RBM18: variants seen among roughly 807,000 people sequenced by gnomAD.
RBM18 encodes probable RNA-binding protein 18.
Under a neutral mutation model 26.4 loss-of-function variants are expected in RBM18, and 18 were observed. The observed-to-expected ratio is 0.68, with a 90% CI of 0.47 to 1.01. The LOEUF (loss-of-function observed/expected upper bound fraction) is 1.01. Among genes scored for constraint, RBM18 ranks in the 50% least tolerant of loss-of-function variants. The pLI, the probability that RBM18 is intolerant of heterozygous loss-of-function variation, is 0.00. For missense variants in RBM18, 180 were observed against 219.2 expected, an observed-to-expected ratio of 0.82 and a Z score of 1.13; for synonymous variants, 74 against 81.1, an observed-to-expected ratio of 0.91 and a Z score of 0.47.
rs1002689255 is a variant in RBM18 at position 122,237,828 on chromosome 9, C to T, written c.*4056G>A. On this transcript the variant is annotated 3_prime_UTR_variant, in exon 6 of 6. Coordinates refer to ENST00000417201, the MANE Select transcript of RBM18 (RefSeq NM_033117.4). ...CAACTCTTCTATTATATGGGGAAAA[C>T]AGCCACATGTAAATGCCTGGGCATG... 6.6e-6 allele frequency: 1 copy of T among 152,184 alleles called. No individual in the cohort carries two copies. Among genetic ancestry groups the T allele is most frequent in the Non-Finnish European group, 1.5e-5 (1 of 68,036 alleles). 9.4% of individuals were successfully genotyped at this position (152,184 alleles called of 1,614,324 possible).
chr9:122,253,763 C>T (rs6478560), intron 2 of RBM18, among the ~76,000 whole-genome samples: 140,018 of 151,220 alleles, frequency 0.93, 65,145 homozygotes, highest in East Asian at 1. Flanking sequence ...CAGTGGCTCA[C>T]GCCTGTAATC....
chr9:122,242,168 T>G (rs1003305006), intron 5 of RBM18, 125 bp from the exon 6 acceptor site: 4 of 887,626 alleles, frequency 4.5e-6, no homozygotes, highest in African/African-American at 3.4e-5. Context: ...TACAGACATT[T>G]AAACATTTTA....
At chr9:122,255,507 C>A (rs1469602034) in intron 2 of RBM18, among the ~76,000 whole-genome samples, 1 of 152,172 alleles carries the variant, frequency 6.6e-6, no homozygotes, top group African/African-American at 2.4e-5. Flanking sequence ...ACACCCCAAA[C>A]TGAATCCCTC....
chr9:122,256,443 C>T (rs574506616), intron 2 of RBM18, among the ~76,000 whole-genome samples: 2 of 152,136 alleles, frequency 1.3e-5, no homozygotes, highest in Non-Finnish European at 2.9e-5. Context: ...ACATCTAATA[C>T]TTGTAAAAGA....
At chr9:122,246,368 T>C (rs1347751090) in intron 4 of RBM18, among the ~76,000 whole-genome samples, 1 of 152,174 alleles carries the variant, frequency 6.6e-6, no homozygotes, top group Non-Finnish European at 1.5e-5. Context: ...CAAGAGCCTC[T>C]GGTCAAAAAA....
chr9:122,238,508 AAG>A lies in RBM18; in HGVS notation c.*3374_*3375del, dbSNP rs1283302571. ...AGCGGGCTCTGCGGCTATCTGGAGA[AAG>A]AGCGTTCTAAGCTAAGGCAACAGCC... is the stretch of plus-strand genomic sequence containing the variant. On this transcript the variant is annotated 3_prime_UTR_variant, in exon 6 of 6. Coordinates refer to ENST00000417201, the MANE Select transcript of RBM18 (RefSeq NM_033117.4). 6.6e-6 allele frequency: 1 copy of A among 152,194 alleles called. No individual in the cohort carries two copies. The highest frequency in any genetic ancestry group is 2.4e-5 in the African/African-American group (1 of 41,458). The allele number at this position is 152,194 out of a possible 1,614,324, so 9.4% of individuals were successfully genotyped here.
chr9:122,239,661 A>C lies in RBM18; in HGVS notation c.*2223T>G, dbSNP rs185715295. The stretch of plus-strand genomic sequence containing the variant: ...AAAAACCTTTCATCAGACTGCTTTC[A>C]GCATATTTAGGATACATACATTTCT... On this transcript the variant is annotated 3_prime_UTR_variant, in exon 6 of 6. Coordinates refer to ENST00000417201, the MANE Select transcript of RBM18 (RefSeq NM_033117.4). 3 of 152,208 alleles carry C rather than the reference A, an allele frequency of 2.0e-5. No homozygotes were observed. The highest frequency in any genetic ancestry group is 6.5e-5 in the Admixed American group (1 of 15,310). 9.4% of individuals were successfully genotyped at this position (152,208 alleles called of 1,614,324 possible).
rs1002045312 is a variant in RBM18 at position 122,239,493 on chromosome 9, A to G, written c.*2391T>C. The G allele has an allele frequency of 6.6e-6, 1 of 152,196 alleles. No individual in the cohort carries two copies. Among genetic ancestry groups the G allele is most frequent in the African/African-American group, 2.4e-5 (1 of 41,430 alleles). The allele number at this position is 152,196 out of a possible 1,614,324, so 9.4% of individuals were successfully genotyped here. ...TACGTCTCTCCTCAGTATTTCCTTCAATTCTTCACTCTTGTATATAAATCA... is the reference window on the plus strand; with the variant it reads ...TACGTCTCTCCTCAGTATTTCCTTCGATTCTTCACTCTTGTATATAAATCA... On this transcript the variant is annotated 3_prime_UTR_variant, in exon 6 of 6. Coordinates refer to ENST00000417201, the MANE Select transcript of RBM18 (RefSeq NM_033117.4).
chr9:122,248,368 G>C (rs1831540363), intron 3 of RBM18, among the ~76,000 whole-genome samples: 1 of 152,068 alleles, frequency 6.6e-6, no homozygotes, highest in African/African-American at 2.4e-5. Context: ...CGTTAGGTAG[G>C]GTAGCACCTC....
chr9:122,247,849 A>G (rs1420812848), intron 3 of RBM18, among the ~76,000 whole-genome samples: 1 of 149,490 alleles, frequency 6.7e-6, no homozygotes, highest in Non-Finnish European at 1.5e-5. Flanking sequence ...CAGTGGTGCA[A>G]TACCGGCTCA....
At chr9:122,247,785 G>GTTTT (rs34974193) in intron 3 of RBM18, among the ~76,000 whole-genome samples, 181 bp from the exon 4 acceptor site, 31 of 132,780 alleles carry the variant, frequency 2.3e-4, no homozygotes, top group Non-Finnish European at 2.8e-4. Context: ...TTTTTTTGTT[G>GTTTT]TTTTTTTTTT....
At chr9:122,247,932 G>C (rs1002042034) in intron 3 of RBM18, among the ~76,000 whole-genome samples, 1 of 151,994 alleles carries the variant, frequency 6.6e-6, no homozygotes, top group Non-Finnish European at 1.5e-5. Flanking sequence ...CTACAGGCAT[G>C]AACCACCACG....
rs1466627933 is a variant in RBM18 at position 122,240,531 on chromosome 9, C to T, written c.*1353G>A. On this transcript the variant is annotated 3_prime_UTR_variant, in exon 6 of 6. Coordinates refer to ENST00000417201, the MANE Select transcript of RBM18 (RefSeq NM_033117.4). ...ATTGAAAGCTTCCTCTTGCTAACAA[C>T]GATAGTGATAAACATTCTGTCATCA... The T allele has an allele frequency of 1.3e-5, 2 of 152,132 alleles. No homozygotes were observed. Among genetic ancestry groups the T allele is most frequent in the African/African-American group, 2.4e-5 (1 of 41,418 alleles). 9.4% of individuals were successfully genotyped at this position (152,132 alleles called of 1,614,324 possible). A position where few individuals can be genotyped will look rare whatever the true frequency, so the allele number is the denominator to read the frequency against.
intron 2 of RBM18, chr9:122,254,305 G>T: frequency 3.1e-6 from 3 of 962,702 alleles, no homozygotes; most frequent in Non-Finnish European, 3.7e-6. Flanking sequence ...GCTTAGGTTT[G>T]TGTCTTTCAA....
chr9:122,259,848 C>G (rs976897219), intron 2 of RBM18, among the ~76,000 whole-genome samples: 2 of 152,046 alleles, frequency 1.3e-5, no homozygotes, highest in Non-Finnish European at 2.9e-5. Context: ...CATGCACCAC[C>G]ATGCCTGGCT....
intron 2 of RBM18, among the ~76,000 whole-genome samples, chr9:122,259,569 T>C (rs1385477776): frequency 6.6e-6 from 1 of 152,224 alleles, no homozygotes; most frequent in African/African-American, 2.4e-5. Context: ...TATATTTACA[T>C]TTGGCTGATA....
chr9:122,264,127 G>C (rs1377932896), intron 1 of RBM18, among the ~76,000 whole-genome samples: 3 of 152,198 alleles, frequency 2.0e-5, no homozygotes, highest in Non-Finnish European at 4.4e-5. Context: ...TACACTGCCT[G>C]TCTCACGGTT....
In RBM18 at chr9:122,252,919, G is replaced by C. The variant is rs558979490; in HGVS notation, c.114-946C>G. ...AGATGTGGCCTTAACAGGTTGCTGC[G>C]GCCAATCTCAATTCCGACTTCCTGT... On this transcript the variant is annotated intron_variant, in intron 2 of 5. Transcript: ENST00000417201. Among the ~76,000 whole-genome samples the C allele has an allele frequency of 5.3e-5, 8 of 152,226 alleles. No individual in the cohort carries two copies. In the South Asian group the frequency reaches 1.5e-3, roughly 28 times the overall value.
Position 122,245,307 on chromosome 9 carries a change from G to C in RBM18, c.362C>G (p.Pro121Arg). Reference protein sequence around the residue: ...YDHNKNDKILPISLEPSSSTE... With the variant: ...YDHNKNDKILRISLEPSSSTE... ...GCTTGAGGATGGCTCGAGACTGATT[G>C]GAAGAATCTTATCATTCTTGTTATG... The change falls in exon 5 of 6, where the codon CCA becomes CGA. Residue 121 changes from proline to arginine, a missense_variant. This residue lies in a region of RBM18 where 103 missense variants were observed against 102.8 expected (regional missense o/e 1.00). Coordinates refer to ENST00000417201, the MANE Select transcript of RBM18 (RefSeq NM_033117.4). 5 of 1,610,248 alleles carry C rather than the reference G, an allele frequency of 3.1e-6. No individual in the cohort carries two copies. Among genetic ancestry groups the C allele is most frequent in the Non-Finnish European group, 4.2e-6 (5 of 1,176,600 alleles).
Sources: gnomAD v4.1 joint callset for allele counts (sites outside exome capture counted in the v4.1 genomes callset) on GRCh38, gnomAD v4.1.1 for gene constraint, gnomAD v4.1.1 regional missense constraint, MANE v1.5 for transcripts, NCBI Gene and HGNC (gene_info 2026-07-23, HGNC 2026-07-21) for gene names.